Variants in C10orf90 observed in about 807,000 individuals in gnomAD.
C10orf90 encodes (E2-independent) E3 ubiquitin-conjugating enzyme FATS.
Under a neutral mutation model 62.5 loss-of-function variants are expected in C10orf90, and 56 were observed. The ratio of observed to expected loss-of-function variants is 0.90; its 90% CI spans 0.72 to 1.12. The LOEUF (loss-of-function observed/expected upper bound fraction) is 1.12. Among genes scored for constraint, C10orf90 ranks in the 50% most tolerant of loss-of-function variants. The pLI is 0.00. For missense variants in C10orf90, 970 were observed against 880.4 expected (o/e 1.10, Z -1.29); for synonymous variants, 386 against 340.4 (o/e 1.13, Z -1.47).
At chr10:126,639,750 G>A (rs566781654) in intron 2 of C10orf90, among the ~76,000 whole-genome samples, 3 of 152,344 alleles carry the variant, frequency 2.0e-5, no homozygotes, top group Admixed American at 6.5e-5. Context: ...TATAGACTGC[G>A]AAATCTGCAG....
At chr10:126,612,201 A>T (rs1402732040) in intron 2 of C10orf90, among the ~76,000 whole-genome samples, 2 of 152,152 alleles carry the variant, frequency 1.3e-5, no homozygotes, top group African/African-American at 4.8e-5. Flanking sequence ...CGCACCTGTA[A>T]TCCCAGCTAC....
At chr10:126,617,267 A>G (rs17155037) in intron 2 of C10orf90, among the ~76,000 whole-genome samples, 7,361 of 152,254 alleles carry the variant, frequency 0.048, 523 homozygotes, top group African/African-American at 0.16. Context: ...GTCTCCAACC[A>G]GAGCAGGATA....
At chr10:126,619,708 A>G (rs1223639606) in intron 2 of C10orf90, among the ~76,000 whole-genome samples, 2 of 152,192 alleles carry the variant, frequency 1.3e-5, no homozygotes, top group African/African-American at 4.8e-5. Context: ...GGTGCAATCA[A>G]GGCTCACTAC....
chr10:126,429,425 C>T (rs1026732239), intron 8 of C10orf90, among the ~76,000 whole-genome samples: 1 of 152,202 alleles, frequency 6.6e-6, no homozygotes, highest in African/African-American at 2.4e-5. Context: ...AATAGTTTCT[C>T]TCCTCCTCAT....
intron 2 of C10orf90, among the ~76,000 whole-genome samples, chr10:126,573,216 C>T (rs762114084): frequency 5.9e-5 from 9 of 152,096 alleles, no homozygotes; most frequent in African/African-American, 9.7e-5. Flanking sequence ...GCAGGCGGTA[C>T]GTGACTGGAG....
intron 2 of C10orf90, among the ~76,000 whole-genome samples, chr10:126,546,497 CA>C (rs1864494945): frequency 6.6e-6 from 1 of 152,144 alleles, no homozygotes; most frequent in Admixed American, 6.5e-5. Context: ...GGACTCTTAC[CA>C]CCCACCAGTG....
At chr10:126,488,495 A>G (rs1055303206) in intron 4 of C10orf90, among the ~76,000 whole-genome samples, 1 of 152,222 alleles carries the variant, frequency 6.6e-6, no homozygotes, top group South Asian at 2.1e-4. Context: ...AACAAATAGA[A>G]ATAAGAAAGC....
intron 4 of C10orf90, among the ~76,000 whole-genome samples, chr10:126,487,164 AAAAAG>A (rs1861485447): frequency 6.7e-6 from 1 of 149,718 alleles, no homozygotes; most frequent in Non-Finnish European, 1.5e-5. Flanking sequence ...AAAAAAAAAA[AAAAAG>A]AAAGAAAGAA....
At chr10:126,527,081 G>A (rs1863972750) in intron 2 of C10orf90, among the ~76,000 whole-genome samples, 2 of 136,454 alleles carry the variant, frequency 1.5e-5, no homozygotes, top group African/African-American at 5.6e-5. Flanking sequence ...TAACCTAGGA[G>A]TGGAATTGCC....
intron 2 of C10orf90, among the ~76,000 whole-genome samples, chr10:126,621,960 C>T (rs939240432): frequency 2.0e-5 from 3 of 151,900 alleles, no homozygotes; most frequent in Admixed American, 2.0e-4. Flanking sequence ...TGCCCCACAC[C>T]ACCCCCTAAC....
intron 2 of C10orf90, among the ~76,000 whole-genome samples, chr10:126,522,533 C>T (rs1863790741): frequency 6.6e-6 from 1 of 152,174 alleles, no homozygotes. Flanking sequence ...ATCTCAAGCC[C>T]CTTGCGTCTG....
Position 126,527,183 on chromosome 10 carries a change from T to C in C10orf90, c.314-13244A>G, listed in dbSNP as rs368396773. Among the ~76,000 whole-genome samples the C allele has an allele frequency of 3.3e-5, 5 of 152,198 alleles. No homozygotes were observed. The East Asian group carries it at 7.7e-4, about 23-fold the overall frequency. On this transcript the variant is annotated intron_variant, in intron 2 of 9. Coordinates refer to ENST00000488181, the MANE Select transcript of C10orf90 (RefSeq NM_001350921.2). ...TACCATTTTGCATTCCCACCAGCGA[T>C]GTATGAGGGTTTCATTTTTCGCCAG...
chr10:126,600,954 G>C (rs1845187363), intron 2 of C10orf90, among the ~76,000 whole-genome samples: 2 of 152,338 alleles, frequency 1.3e-5, no homozygotes, highest in South Asian at 4.1e-4. Flanking sequence ...TCCATTGACA[G>C]ATGAATGGAT....
At chr10:126,646,541 C>A in intron 2 of C10orf90, 24 bp downstream of exon 2, 1 of 393,664 alleles carries the variant, frequency 2.5e-6, no homozygotes, top group South Asian at 1.9e-5. Flanking sequence ...GGGAACCCTG[C>A]CTGGGCAGGC....
chr10:126,661,834 C>G (rs2133872380), intron 1 of C10orf90, among the ~76,000 whole-genome samples: 1 of 151,926 alleles, frequency 6.6e-6, no homozygotes, highest in African/African-American at 2.4e-5. Flanking sequence ...ATTTCTTGCC[C>G]CATTATGGTG....
chr10:126,466,785 G>T (rs1022039053), intron 4 of C10orf90, among the ~76,000 whole-genome samples: 1 of 152,210 alleles, frequency 6.6e-6, no homozygotes, highest in South Asian at 2.1e-4. Flanking sequence ...TACATAGAAA[G>T]TACCAAAAAG....
intron 1 of C10orf90, among the ~76,000 whole-genome samples, chr10:126,647,175 A>C (rs1304203541): frequency 6.6e-6 from 1 of 152,192 alleles, no homozygotes; most frequent in African/African-American, 2.4e-5. Flanking sequence ...TTTTATTCTC[A>C]AAGCAGTTTG....
intron 2 of C10orf90, among the ~76,000 whole-genome samples, chr10:126,618,964 G>A (rs756093806): frequency 6.6e-5 from 10 of 151,932 alleles, no homozygotes; most frequent in Non-Finnish European, 1.3e-4. Flanking sequence ...AATAAAATGT[G>A]GTACATATAC....
At chr10:126,573,638 C>T (rs116336180) in intron 2 of C10orf90, among the ~76,000 whole-genome samples, 1,539 of 152,230 alleles carry the variant, frequency 0.01, 28 homozygotes, top group African/African-American at 0.034. Context: ...GTACTTTGCC[C>T]CTGCCTTGAA....
Sources: allele counts gnomAD v4.1 joint callset (sites outside exome capture counted in the v4.1 genomes callset), GRCh38; gene constraint gnomAD v4.1.1; transcripts MANE v1.5; gene names NCBI Gene and HGNC (gene_info 2026-07-23, HGNC 2026-07-21).